The following ZFHX3 variants were observed in gnomAD, a reference collection of about 807,000 sequenced individuals.
ZFHX3 encodes zinc finger homeobox protein 3.
A neutral mutation model predicts 279.1 loss-of-function variants in ZFHX3; 42 were observed. The observed-to-expected ratio is 0.15, with a 90% CI of 0.12 to 0.19. The LOEUF is 0.19. Ranked by LOEUF, ZFHX3 falls within the 10% of genes least tolerant of loss-of-function variation. The probability of loss-of-function intolerance (pLI) is 1.00; values close to 1 mark genes in which losing one functional copy is unlikely to be tolerated. For missense variants in ZFHX3, 4,981 were observed against 4,754.0 expected (o/e 1.05, Z -1.40); for synonymous variants, 2,293 against 1,957.8 (o/e 1.17, Z -4.52).
In ZFHX3 at chr16:73,195,944, C is replaced by G. The variant is rs72797322; in HGVS notation, c.-1103-52113G>C. Among the ~76,000 whole-genome samples, 1,121 of 152,250 alleles carry G rather than the reference C, an allele frequency of 7.4e-3. 5 individuals are homozygous for G. Among genetic ancestry groups the G allele is most frequent in the Non-Finnish European group, 9.6e-3 (651 of 68,032 alleles). The stretch of plus-strand genomic sequence containing the variant: ...TAATGTAGCAACCACTAGTTACCAT[C>G]TTTATACGTGTATATCTTTGTATCT... On this transcript the variant is annotated intron_variant, in intron 5 of 17. Coordinates refer to the ZFHX3 transcript ENST00000641206.
chr16:73,402,103 A>AT (rs929398970), intron 3 of ZFHX3: 3 of 152,210 alleles, frequency 2.0e-5, no homozygotes, highest in African/African-American at 7.2e-5. Flanking sequence ...GTAAAATATG[A>AT]TTTTTTTCCC....
intron 1 of ZFHX3, among the ~76,000 whole-genome samples, chr16:73,722,518 G>A (rs2053483260): frequency 6.6e-6 from 1 of 152,154 alleles, no homozygotes; most frequent in Non-Finnish European, 1.5e-5. Flanking sequence ...CTCCCATTCA[G>A]AGAAGATAGT....
chr16:73,623,085 G>A (rs548761218), intron 2 of ZFHX3, among the ~76,000 whole-genome samples: 1 of 151,152 alleles, frequency 6.6e-6, no homozygotes, highest in East Asian at 2.0e-4. Flanking sequence ...CGCCCAGGCC[G>A]AACTGCAGTG....
intron 1 of ZFHX3, among the ~76,000 whole-genome samples, chr16:73,817,292 A>G (rs1960600974): frequency 6.6e-6 from 1 of 152,114 alleles, no homozygotes; most frequent in African/African-American, 2.4e-5. Flanking sequence ...TTCCCACCCT[A>G]CCTTCTAATC....
At chr16:73,308,270 TA>T (rs1567446287) in intron 4 of ZFHX3, among the ~76,000 whole-genome samples, 27 of 79,984 alleles carry the variant, frequency 3.4e-4, no homozygotes, top group East Asian at 1.4e-3. Context: ...TATATATATA[TA>T]TATATATTTA....
intron 5 of ZFHX3, among the ~76,000 whole-genome samples, chr16:73,215,562 C>T (rs1297914070): frequency 6.6e-6 from 1 of 152,180 alleles, no homozygotes; most frequent in Non-Finnish European, 1.5e-5. Context: ...TGGTAGGACC[C>T]TGCAGTTTCA....
intron 1 of ZFHX3, among the ~76,000 whole-genome samples, chr16:73,727,932 G>A (rs572190737): frequency 6.6e-5 from 10 of 150,872 alleles, no homozygotes; most frequent in Admixed American, 1.3e-4. Context: ...GTGTAATATC[G>A]TAGCCACTAG....
At chr16:73,117,082 AAC>A (rs1966441222) in intron 7 of ZFHX3, among the ~76,000 whole-genome samples, 1 of 152,248 alleles carries the variant, frequency 6.6e-6, no homozygotes, top group Admixed American at 6.5e-5. Flanking sequence ...ACTAGGCCTG[AAC>A]TAAAGGTAGT....
intron 3 of ZFHX3, among the ~76,000 whole-genome samples, chr16:73,422,789 C>T (rs187917552): frequency 2.8e-4 from 42 of 152,298 alleles, no homozygotes; most frequent in African/African-American, 1.0e-3. Flanking sequence ...CCATTGAATA[C>T]TATGGATTTG....
chr16:73,439,909 C>CAAA (rs71156164), intron 3 of ZFHX3, among the ~76,000 whole-genome samples: 107 of 75,408 alleles, frequency 1.4e-3, no homozygotes, highest in African/African-American at 4.5e-3. Flanking sequence ...GGGAGAGGGA[C>CAAA]AAAAAAAAAA....
At chr16:72,818,532 C>G (rs1048175690) in intron 5 of ZFHX3, among the ~76,000 whole-genome samples, 1 of 152,194 alleles carries the variant, frequency 6.6e-6, no homozygotes, top group Non-Finnish European at 1.5e-5. Flanking sequence ...GGTCTTTAAA[C>G]ATGCATGGTC....
chr16:73,608,401 T>C (rs1201053589), intron 2 of ZFHX3, among the ~76,000 whole-genome samples: 1 of 152,208 alleles, frequency 6.6e-6, no homozygotes, highest in Non-Finnish European at 1.5e-5. Context: ...ACTAAAAACA[T>C]GTGTGTTGGA....
intron 3 of ZFHX3, among the ~76,000 whole-genome samples, chr16:73,423,828 C>G (rs1238201442): frequency 1.4e-5 from 2 of 148,070 alleles, no homozygotes; most frequent in Non-Finnish European, 3.0e-5. Context: ...CACCACTGCA[C>G]TCTAGCTTGT....
chr16:73,361,483 T>C (rs1284380418), intron 3 of ZFHX3, among the ~76,000 whole-genome samples: 1 of 152,260 alleles, frequency 6.6e-6, no homozygotes, highest in African/African-American at 2.4e-5. Context: ...TGGTTTTAAG[T>C]CACTAAATCT....
chr16:73,429,951 G>C (rs1567481734), intron 3 of ZFHX3, among the ~76,000 whole-genome samples: 1 of 152,120 alleles, frequency 6.6e-6, no homozygotes, highest in Non-Finnish European at 1.5e-5. Flanking sequence ...GCAGTAGTGT[G>C]ATCTCTGCTC....
In ZFHX3 at chr16:73,636,841, C is replaced by T. The variant is rs558200033; in HGVS notation, c.-1547+43339G>A. 2.9e-4 allele frequency among the ~76,000 whole-genome samples: 44 copies of T among 152,124 alleles called. 1 individual carries two copies. In the South Asian group the frequency reaches 6.8e-3, roughly 24 times the overall value. ...AGCTATCAATTTCATGTAAATTAAT[C>T]TATAACTTTAGTATCACTACAATAA... On this transcript the variant is annotated intron_variant, in intron 2 of 17. Transcript: ENST00000641206.
intron 2 of ZFHX3, among the ~76,000 whole-genome samples, chr16:73,579,782 A>T (rs1392667882): frequency 2.0e-5 from 3 of 148,956 alleles, no homozygotes; most frequent in Admixed American, 2.0e-4. Flanking sequence ...AATTTTAATT[A>T]TAAAAATATT....
At chr16:73,823,066 T>G (rs1413751359) in intron 1 of ZFHX3, among the ~76,000 whole-genome samples, 2 of 152,038 alleles carry the variant, frequency 1.3e-5, no homozygotes, top group African/African-American at 4.8e-5. Context: ...TAGAGACCAG[T>G]GAAAGGGACA....
intron 1 of ZFHX3, among the ~76,000 whole-genome samples, chr16:73,887,091 T>A (rs2030371351): frequency 1.3e-5 from 2 of 152,202 alleles, no homozygotes; most frequent in African/African-American, 4.8e-5. Flanking sequence ...AAAGTTCTCC[T>A]TTCAAAAAAT....
Sources: allele counts gnomAD v4.1 joint callset (sites outside exome capture counted in the v4.1 genomes callset), GRCh38; gene constraint gnomAD v4.1.1; transcripts MANE v1.5; gene names NCBI Gene and HGNC (gene_info 2026-07-23, HGNC 2026-07-21).